Variants in SAMMSON observed in about 807,000 individuals in gnomAD.
The protein encoded by SAMMSON is long intergenic non-protein coding RNA 1212.
At chr3:70,246,705 C>T (rs904822187) in intron 4 of SAMMSON, among the ~76,000 whole-genome samples, 2 of 151,952 alleles carry the variant, frequency 1.3e-5, no homozygotes, top group Non-Finnish European at 2.9e-5. Flanking sequence ...TATGGGCACT[C>T]TATATTTAAT....
intron 4 of SAMMSON, among the ~76,000 whole-genome samples, chr3:70,221,922 C>T (rs1262993915): frequency 6.6e-6 from 1 of 152,140 alleles, no homozygotes; most frequent in African/African-American, 2.4e-5. Flanking sequence ...AGTGTTAGTA[C>T]TCATCCTATC....
At chr3:70,352,345 G>A (rs1001057540) in intron 7 of SAMMSON, among the ~76,000 whole-genome samples, 48 of 152,016 alleles carry the variant, frequency 3.2e-4, no homozygotes, top group African/African-American at 1.2e-3. Context: ...ATGGAAGCTA[G>A]CAGGAAATGA....
chr3:70,092,770 A>C (rs1013419861), intron 4 of SAMMSON, among the ~76,000 whole-genome samples: 1 of 152,196 alleles, frequency 6.6e-6, no homozygotes, highest in Non-Finnish European at 1.5e-5. Context: ...CGTAAATGCA[A>C]ATGTACTTTT....
At chr3:70,052,449 G>T (rs948271515) in intron 3 of SAMMSON, among the ~76,000 whole-genome samples, 17 of 152,076 alleles carry the variant, frequency 1.1e-4, no homozygotes, top group African/African-American at 4.1e-4. Flanking sequence ...GTAACACATT[G>T]TCCACTAGAT....
At chr3:70,330,149 T>C (rs1016354438) in intron 7 of SAMMSON, among the ~76,000 whole-genome samples, 7 of 151,760 alleles carry the variant, frequency 4.6e-5, no homozygotes, top group African/African-American at 1.4e-4. Context: ...ACACACCTAA[T>C]TCGGAAAAAA....
At chr3:70,263,387 C>T (rs1227055503) in intron 6 of SAMMSON, among the ~76,000 whole-genome samples, 1 of 152,062 alleles carries the variant, frequency 6.6e-6, no homozygotes, top group Non-Finnish European at 1.5e-5. Flanking sequence ...TAGGGTAGGT[C>T]TATAGGAATA....
At chr3:70,366,339 ACT>A (rs1702919667) in intron 9 of SAMMSON, among the ~76,000 whole-genome samples, 1 of 151,118 alleles carries the variant, frequency 6.6e-6, no homozygotes, top group Non-Finnish European at 1.5e-5. Flanking sequence ...GACCTGGAAA[ACT>A]CTGATCTTAT....
At chr3:70,425,392 AT>A (rs1213972305) in intron 2 of SAMMSON, among the ~76,000 whole-genome samples, 1 of 151,014 alleles carries the variant, frequency 6.6e-6, no homozygotes, top group Non-Finnish European at 1.5e-5. Context: ...CAAGTTGTCT[AT>A]TTTTTTATTA....
At chr3:70,009,391 T>G (rs937440059) in intron 1 of SAMMSON, 5 of 152,212 alleles carry the variant, frequency 3.3e-5, no homozygotes, top group African/African-American at 1.2e-4. Context: ...GTTGAGGAAT[T>G]TATCCATTTC....
chr3:70,395,463 T>A (rs1701084749), intron 2 of SAMMSON, among the ~76,000 whole-genome samples: 1 of 152,056 alleles, frequency 6.6e-6, no homozygotes. Flanking sequence ...TGCTTTGGAT[T>A]CTGTGCAGTA....
intron 2 of SAMMSON, among the ~76,000 whole-genome samples, chr3:70,420,074 G>T (rs530188599): frequency 3.3e-5 from 5 of 152,352 alleles, no homozygotes; most frequent in Admixed American, 2.6e-4. Flanking sequence ...TGTGTGAAGA[G>T]CCTTCCTGGT....
intron 4 of SAMMSON, among the ~76,000 whole-genome samples, chr3:70,158,358 C>T (rs1576138560): frequency 6.6e-6 from 1 of 152,044 alleles, no homozygotes; most frequent in Non-Finnish European, 1.5e-5. Flanking sequence ...TTTTGAGGTT[C>T]ATCAGTGCTC....
At chr3:70,204,198 A>G (rs1242245812) in intron 4 of SAMMSON, among the ~76,000 whole-genome samples, 1 of 152,178 alleles carries the variant, frequency 6.6e-6, no homozygotes, top group Non-Finnish European at 1.5e-5. Flanking sequence ...TTGAAAATAA[A>G]TTAGCCACAA....
At chr3:70,236,451 T>G (rs981652644) in intron 4 of SAMMSON, among the ~76,000 whole-genome samples, 3 of 152,196 alleles carry the variant, frequency 2.0e-5, no homozygotes, top group African/African-American at 7.2e-5. Flanking sequence ...CCTTAAGATA[T>G]TCCCACTTGC....
intron 4 of SAMMSON, chr3:70,072,646 G>GAAAAAAA (rs35807309): frequency 1.1e-5 from 1 of 87,682 alleles, no homozygotes; most frequent in Non-Finnish European, 2.3e-5. Flanking sequence ...AACAGCAAAG[G>GAAAAAAA]AAAAAAAAAA....
intron 4 of SAMMSON, among the ~76,000 whole-genome samples, chr3:70,218,738 G>A (rs2106735126): frequency 6.6e-6 from 1 of 152,160 alleles, no homozygotes; most frequent in East Asian, 1.9e-4. Flanking sequence ...ACAAGGATTT[G>A]AGCTATAACA....
intron 3 of SAMMSON, among the ~76,000 whole-genome samples, chr3:70,028,221 C>G: frequency 7.3e-6 from 1 of 136,914 alleles, no homozygotes; most frequent in East Asian, 2.1e-4. Flanking sequence ...CTTTCTTTCT[C>G]TTTTTCTTTC....
intron 9 of SAMMSON, among the ~76,000 whole-genome samples, chr3:70,385,030 G>A (rs1703108822): frequency 6.6e-6 from 1 of 152,082 alleles, no homozygotes; most frequent in South Asian, 2.1e-4. Flanking sequence ...CTAGGCAACA[G>A]GGGAATTAAT....
intron 3 of SAMMSON, among the ~76,000 whole-genome samples, chr3:70,019,992 AGAAGCTCAG>A (rs899147664): frequency 3.3e-5 from 5 of 152,170 alleles, no homozygotes; most frequent in Admixed American, 6.5e-5. Flanking sequence ...TCCAGAATCC[AGAAGCTCAG>A]GAAATTCTTG....
Sources: allele counts gnomAD v4.1 joint callset (sites outside exome capture counted in the v4.1 genomes callset), GRCh38; gene constraint gnomAD v4.1.1; transcripts MANE v1.5; gene names NCBI Gene and HGNC (gene_info 2026-07-23, HGNC 2026-07-21).